The following CSMD1 variants were observed in gnomAD, a reference collection of about 807,000 sequenced individuals.
CSMD1 encodes CUB and sushi domain-containing protein 1.
CSMD1 carries 213 observed loss-of-function variants against 417.5 expected under a neutral mutation model. The observed-to-expected ratio is 0.51, with a 90% confidence interval of 0.46 to 0.57. The LOEUF (loss-of-function observed/expected upper bound fraction) is 0.57. Among genes scored for constraint, CSMD1 ranks in the 20% least tolerant of loss-of-function variants. The probability of loss-of-function intolerance (pLI) is 0.00; values close to 1 mark genes in which losing one functional copy is unlikely to be tolerated. For synonymous variants in CSMD1, 2,862 were observed against 1,736.8 expected (o/e 1.65, Z -16.11); for missense variants, 6,923 against 4,529.7 (o/e 1.53, Z -15.17).
intron 2 of CSMD1, among the ~76,000 whole-genome samples, chr8:4,590,643 T>G (rs1269400004): frequency 1.3e-5 from 2 of 152,162 alleles, no homozygotes; most frequent in African/African-American, 2.4e-5. Flanking sequence ...AGTTGTTGAC[T>G]TTTACAACAT....
At chr8:4,410,643 A>G (rs903231234) in intron 3 of CSMD1, among the ~76,000 whole-genome samples, 1 of 152,234 alleles carries the variant, frequency 6.6e-6, no homozygotes, top group Non-Finnish European at 1.5e-5. Context: ...ATATGCATGT[A>G]AACATGGAGA....
At chr8:4,975,841 A>G (rs1472863873) in intron 1 of CSMD1, among the ~76,000 whole-genome samples, 1 of 152,174 alleles carries the variant, frequency 6.6e-6, no homozygotes, top group African/African-American at 2.4e-5. Context: ...AAAACCCAGC[A>G]GATACTACTT....
At chr8:4,058,550 G>A (rs1262728313) in intron 3 of CSMD1, among the ~76,000 whole-genome samples, 4 of 151,672 alleles carry the variant, frequency 2.6e-5, no homozygotes, top group Non-Finnish European at 5.9e-5. Flanking sequence ...TAATTGCCCT[G>A]GCCAGAACTT....
chr8:3,040,718 G>A (rs764136834), intron 50 of CSMD1, among the ~76,000 whole-genome samples: 22 of 151,982 alleles, frequency 1.4e-4, no homozygotes, highest in Admixed American at 1.0e-3. Flanking sequence ...CAAAAGAATC[G>A]CTTGAACCCG....
chr8:4,227,271 G>C (rs546143797), intron 3 of CSMD1, among the ~76,000 whole-genome samples: 1 of 152,190 alleles, frequency 6.6e-6, no homozygotes, highest in South Asian at 2.1e-4. Flanking sequence ...GCAAGATGGC[G>C]ACCACATATC....
At chr8:4,325,210 C>G (rs1242377770) in intron 3 of CSMD1, among the ~76,000 whole-genome samples, 2 of 152,178 alleles carry the variant, frequency 1.3e-5, no homozygotes, top group African/African-American at 4.8e-5. Context: ...ACAGATGATA[C>G]ATTTCCAGGG....
At chr8:4,813,685 A>G (rs1799039347) in intron 1 of CSMD1, among the ~76,000 whole-genome samples, 1 of 152,260 alleles carries the variant, frequency 6.6e-6, no homozygotes, top group Non-Finnish European at 1.5e-5. Context: ...CACACTATTA[A>G]GAGATTCAAG....
chr8:4,696,811 A>C (rs969822086), intron 1 of CSMD1, among the ~76,000 whole-genome samples: 2 of 152,232 alleles, frequency 1.3e-5, no homozygotes, highest in African/African-American at 4.8e-5. Context: ...CAAATTTATT[A>C]AATTTCATTC....
intron 41 of CSMD1, among the ~76,000 whole-genome samples, chr8:3,141,959 A>G (rs58279306): frequency 0.22 from 33,641 of 151,798 alleles, 4,488 homozygotes; most frequent in South Asian, 0.47. Context: ...CACTATGCCC[A>G]GCTAATTTTT....
At chr8:3,770,964 G>A (rs1798537047) in intron 5 of CSMD1, among the ~76,000 whole-genome samples, 9 of 151,986 alleles carry the variant, frequency 5.9e-5, no homozygotes. Flanking sequence ...AGCAGAAATT[G>A]CCCAGTGCAT....
At position 4,984,196 on chromosome 8, in the gene CSMD1, C is replaced by G. The variant is rs899322468; in HGVS notation, c.85+10136G>C. ...GGAGGTCATTAGAAAAACTCCAGAA[C>G]AGCAAGAGTAACCATCACAGGACTT... is the stretch of plus-strand genomic sequence containing the variant. On this transcript the variant is annotated intron_variant, in intron 1 of 69. Coordinates refer to ENST00000635120, the MANE Select transcript of CSMD1 (RefSeq NM_033225.6). Among the ~76,000 whole-genome samples, 8 of 152,280 alleles carry G rather than the reference C, an allele frequency of 5.3e-5. No homozygotes were observed. The East Asian group carries it at 5.8e-4, about 11-fold the overall frequency.
intron 3 of CSMD1, among the ~76,000 whole-genome samples, chr8:4,151,645 G>A (rs1053600875): frequency 3.5e-4 from 53 of 151,914 alleles, no homozygotes; most frequent in Non-Finnish European, 5.0e-4. Flanking sequence ...AAGAATCTGT[G>A]GCATCATTAT....
chr8:3,847,430 C>T (rs1301665041), intron 5 of CSMD1, among the ~76,000 whole-genome samples: 1 of 152,074 alleles, frequency 6.6e-6, no homozygotes, highest in Non-Finnish European at 1.5e-5. Context: ...TGGCTGCGAG[C>T]AGTGGGCAGT....
At chr8:4,855,462 C>G (rs1029615199) in intron 1 of CSMD1, among the ~76,000 whole-genome samples, 2 of 152,114 alleles carry the variant, frequency 1.3e-5, no homozygotes, top group Admixed American at 1.3e-4. Flanking sequence ...GATCAAATTA[C>G]TCTCAGCTAC....
intron 3 of CSMD1, among the ~76,000 whole-genome samples, chr8:4,104,766 C>T (rs1223900859): frequency 6.6e-6 from 1 of 152,168 alleles, no homozygotes; most frequent in African/African-American, 2.4e-5. Context: ...TCCGGCTTTC[C>T]GTTTCCCAGG....
At position 3,610,462 on chromosome 8, in the gene CSMD1, G is replaced by C. The variant is rs1288427784; in HGVS notation, c.1097+6248C>G. 5.4e-5 allele frequency among the ~76,000 whole-genome samples: 3 copies of C among 55,598 alleles called. No homozygotes were observed. The East Asian group carries it at 1.0e-3, about 19-fold the overall frequency. 36.5% of individuals were successfully genotyped at this position (55,598 alleles called of 152,430 possible). ...AAGTGGGACGATCATTTGAGCCCTG[G>C]AGTTCGAGATTACAGTACTCCAGGC... On this transcript the variant is annotated intron_variant, in intron 8 of 69. Transcript: ENST00000635120.
chr8:4,425,004 A>G lies in CSMD1; in HGVS notation c.303-4939T>C, dbSNP rs144600872. On this transcript the variant is annotated intron_variant, in intron 2 of 69. Coordinates refer to ENST00000635120, the MANE Select transcript of CSMD1 (RefSeq NM_033225.6). The stretch of plus-strand genomic sequence containing the variant: ...AGTAACCAAAATAATGCTATTTAAT[A>G]ACAAAACATTAAATTCTAAAAGTAA... Among the ~76,000 whole-genome samples, 79 of 152,250 alleles carry G rather than the reference A, an allele frequency of 5.2e-4. 1 individual carries two copies. The highest frequency in any genetic ancestry group is 3.4e-3 in the Middle Eastern group (1 of 294).
At chr8:4,841,210 T>TA (rs1242736741) in intron 1 of CSMD1, among the ~76,000 whole-genome samples, 1 of 152,248 alleles carries the variant, frequency 6.6e-6, no homozygotes, top group African/African-American at 2.4e-5. Flanking sequence ...ATTATGTTGA[T>TA]ATATCTAGAT....
At chr8:4,815,311 T>C (rs1219201914) in intron 1 of CSMD1, among the ~76,000 whole-genome samples, 1 of 152,132 alleles carries the variant, frequency 6.6e-6, no homozygotes, top group African/African-American at 2.4e-5. Context: ...CTCAGCCTTC[T>C]GAGTTAGGCA....
Sources: gnomAD v4.1 joint callset for allele counts (sites outside exome capture counted in the v4.1 genomes callset) on GRCh38, gnomAD v4.1.1 for gene constraint, MANE v1.5 for transcripts, NCBI Gene and HGNC (gene_info 2026-07-23, HGNC 2026-07-21) for gene names.